TLCD4: variants seen among roughly 807,000 people sequenced by gnomAD.
TLCD4 encodes the protein TLC domain-containing protein 4.
TLCD4 carries 7 observed loss-of-function variants against 24.2 expected under a neutral mutation model. The observed-to-expected ratio is 0.29, with a 90% CI of 0.16 to 0.54. The LOEUF (loss-of-function observed/expected upper bound fraction) is 0.54, where lower values mean the gene tolerates loss of function less well. Ranked by LOEUF, TLCD4 falls within the 20% of genes least tolerant of loss-of-function variation. TLCD4 has a pLI of 0.95. For missense variants in TLCD4, 259 were observed against 313.9 expected, an observed-to-expected ratio of 0.82 and a Z score of 1.32; for synonymous variants, 103 against 106.4, an observed-to-expected ratio of 0.97 and a Z score of 0.20.
intron 6 of TLCD4, among the ~76,000 whole-genome samples, chr1:95,176,697 T>G (rs12098092): frequency 0.21 from 31,854 of 152,150 alleles, 3,432 homozygotes; most frequent in Admixed American, 0.25. Context: ...GTGCTTTTGG[T>G]ATCATATCCA....
At chr1:95,144,662 T>G (rs2100938170) in intron 2 of TLCD4, among the ~76,000 whole-genome samples, 1 of 152,044 alleles carries the variant, frequency 6.6e-6, no homozygotes, top group Admixed American at 6.6e-5. Flanking sequence ...AGAAATCTGC[T>G]GGAGTTTTAT....
intron 4 of TLCD4, 82 bp from the exon 5 acceptor site, chr1:95,151,243 G>A: frequency 7.2e-7 from 1 of 1,383,654 alleles, no homozygotes; most frequent in Non-Finnish European, 1.0e-6. Context: ...TGATGAGTTG[G>A]CAGGAGAAAG....
chr1:95,104,274 G>A, the TLCD4 span, among the ~76,000 whole-genome samples: 3 of 152,140 alleles, frequency 2.0e-5, no homozygotes, highest in Non-Finnish European at 2.9e-5. Context: ...CTTGCAGGGT[G>A]CAATGTAAGT....
At chr1:95,135,395 CTTTTTTTT>C (rs1188061128) in intron 1 of TLCD4, among the ~76,000 whole-genome samples, 8 of 130,512 alleles carry the variant, frequency 6.1e-5, no homozygotes, top group African/African-American at 8.7e-5. Flanking sequence ...TTTTTGTACA[CTTTTTTTT>C]TTTTTTTTTT....
intron 6 of TLCD4, 143 bp downstream of exon 6, chr1:95,174,032 G>T: frequency 7.9e-7 from 1 of 1,264,146 alleles, no homozygotes; most frequent in South Asian, 1.5e-5. Flanking sequence ...TACAAATGAG[G>T]AAAGTGAGTT....
At chr1:95,119,861 T>C (rs1458731926) in intron 1 of TLCD4, among the ~76,000 whole-genome samples, 1 of 152,188 alleles carries the variant, frequency 6.6e-6, no homozygotes, top group Non-Finnish European at 1.5e-5. Context: ...AGGATTTGTT[T>C]GGGCTTCAAT....
At chr1:95,191,465 A>T (rs923974992) in intron 6 of TLCD4, 85 bp from the exon 7 acceptor site, 60 of 1,489,206 alleles carry the variant, frequency 4.0e-5, no homozygotes, top group Non-Finnish European at 5.2e-5. Flanking sequence ...CCTTCACTGA[A>T]TTTTAAAATT....
At chr1:95,143,558 G>A (rs1677264089) in intron 1 of TLCD4, among the ~76,000 whole-genome samples, 1 of 151,998 alleles carries the variant, frequency 6.6e-6, no homozygotes, top group Non-Finnish European at 1.5e-5. Context: ...AAATTTAATT[G>A]AAATATTATT....
chr1:95,099,345 T>TTGTGC, the TLCD4 span, among the ~76,000 whole-genome samples: 1 of 152,208 alleles, frequency 6.6e-6, no homozygotes, highest in Non-Finnish European at 1.5e-5. Flanking sequence ...TATTACCACA[T>TTGTGC]TGTGCTTCCT....
At chr1:95,110,989 G>A in the TLCD4 span, among the ~76,000 whole-genome samples, 4 of 149,454 alleles carry the variant, frequency 2.7e-5, no homozygotes, top group East Asian at 4.0e-4. Context: ...ATTTAAAAAC[G>A]TTAGAGATTT....
the TLCD4 span, among the ~76,000 whole-genome samples, chr1:95,102,974 T>TA: frequency 2.8e-4 from 34 of 119,722 alleles, no homozygotes; most frequent in African/African-American, 7.2e-4. Flanking sequence ...GAACTACTTT[T>TA]TAAAAAAAAA....
intron 5 of TLCD4, among the ~76,000 whole-genome samples, chr1:95,156,330 T>A (rs907583284): frequency 6.6e-6 from 1 of 152,168 alleles, no homozygotes; most frequent in African/African-American, 2.4e-5. Context: ...ATGTCAGATC[T>A]TCATGGGTGA....
intron 5 of TLCD4, chr1:95,163,679 G>T (rs911381052): frequency 6.6e-6 from 1 of 152,164 alleles, no homozygotes; most frequent in African/African-American, 2.4e-5. Context: ...ATACAGATGG[G>T]GTTTTGGTGT....
At chr1:95,121,815 G>A (rs1288905063) in intron 1 of TLCD4, among the ~76,000 whole-genome samples, 2 of 152,212 alleles carry the variant, frequency 1.3e-5, no homozygotes, top group Non-Finnish European at 2.9e-5. Flanking sequence ...AGCCTGTCAG[G>A]ACTTCCTTAG....
At chr1:95,129,603 A>G (rs978599156) in intron 1 of TLCD4, among the ~76,000 whole-genome samples, 6 of 152,162 alleles carry the variant, frequency 3.9e-5, no homozygotes, top group African/African-American at 1.4e-4. Context: ...TTAGCCGGGT[A>G]TGGTGGTGGG....
chr1:95,167,796 T>C (rs761723844), intron 5 of TLCD4, among the ~76,000 whole-genome samples: 3 of 152,208 alleles, frequency 2.0e-5, no homozygotes, highest in Non-Finnish European at 4.4e-5. Flanking sequence ...CTGTAAATCA[T>C]GTGCTTAATG....
chr1:95,109,920 T>C, the TLCD4 span, among the ~76,000 whole-genome samples: 1 of 40,428 alleles, frequency 2.5e-5, no homozygotes, highest in African/African-American at 2.1e-4. Flanking sequence ...TGCATATATA[T>C]ATATATATAT....
At chr1:95,108,088 T>C in the TLCD4 span, among the ~76,000 whole-genome samples, 3 of 152,168 alleles carry the variant, frequency 2.0e-5, no homozygotes, top group Non-Finnish European at 2.9e-5. Flanking sequence ...TATCTGTTCA[T>C]GTTTTCTAAT....
intron 5 of TLCD4, among the ~76,000 whole-genome samples, chr1:95,172,406 A>C (rs951021499): frequency 1.3e-5 from 2 of 152,214 alleles, no homozygotes; most frequent in Non-Finnish European, 2.9e-5. Context: ...TTGTGTGTTA[A>C]AGTAATAAAA....
Sources: allele counts gnomAD v4.1 joint callset (sites outside exome capture counted in the v4.1 genomes callset), GRCh38; gene constraint gnomAD v4.1.1; transcripts MANE v1.5; gene names NCBI Gene and HGNC (gene_info 2026-07-23, HGNC 2026-07-21).